Variants in PCDHGB5 observed in about 807,000 individuals in gnomAD.
PCDHGB5 encodes protocadherin gamma-B5.
Under a neutral mutation model 62.9 loss-of-function variants are expected in PCDHGB5, and 48 were observed. The ratio of observed to expected loss-of-function variants is 0.76; its 90% confidence interval spans 0.61 to 0.97. The LOEUF (loss-of-function observed/expected upper bound fraction) is 0.97. Ranked by LOEUF, PCDHGB5 falls within the 50% of genes least tolerant of loss-of-function variation. PCDHGB5 has a pLI of 0.00. For missense variants in PCDHGB5, 1,118 were observed against 1,198.6 expected (o/e 0.93, Z 0.99); for synonymous variants, 474 against 511.2 (o/e 0.93, Z 0.98).
rs2154584583 is a variant in PCDHGB5, at chr5:141,490,717, A to G, written c.2398-4090A>G. The G allele has an allele frequency of 6.2e-7, 1 of 1,613,972 alleles. No individual in the cohort carries two copies. Among genetic ancestry groups the G allele is most frequent in the Non-Finnish European group, 8.5e-7 (1 of 1,179,936 alleles). On this transcript the variant is annotated intron_variant, in intron 1 of 3. Coordinates refer to ENST00000617380, the MANE Select transcript of PCDHGB5 (RefSeq NM_018925.3). The surrounding 1 kb of genome is among the most constrained non-coding windows in gnomAD (Gnocchi z 5.4). ...GGATAATGCCCGCCTCACCTACTCC[A>G]TTGTAGGAAATCAGGTTCAGGGAGC...
Position 141,487,176 on chromosome 5 carries a change from A to G in PCDHGB5, c.2398-7631A>G. On this transcript the variant is annotated intron_variant, in intron 1 of 3. Coordinates refer to ENST00000617380, the MANE Select transcript of PCDHGB5 (RefSeq NM_018925.3). The surrounding 1 kb of genome is among the most constrained non-coding windows in gnomAD (Gnocchi z 5.0). ...ACTCTCTTAGTGTCCTTAGAGGAAGACACTCATCCAGTTGTCCCAGATCTT... is the reference window on the plus strand; with the variant it reads ...ACTCTCTTAGTGTCCTTAGAGGAAGGCACTCATCCAGTTGTCCCAGATCTT... 1 of 1,613,774 alleles carries G rather than the reference A, an allele frequency of 6.2e-7. No homozygotes were observed. The highest frequency in any genetic ancestry group is 8.5e-7 in the Non-Finnish European group (1 of 1,179,664).
intron 2 of PCDHGB5, among the ~76,000 whole-genome samples, chr5:141,495,233 A>G (rs1226612093): frequency 1.3e-5 from 2 of 152,196 alleles, no homozygotes; most frequent in African/African-American, 4.8e-5. Flanking sequence ...GCTGGGCTCC[A>G]TTATGACCTG....
intron 1 of PCDHGB5, chr5:141,414,799 G>T (rs1177065576): frequency 1.9e-6 from 3 of 1,614,096 alleles, no homozygotes; most frequent in Non-Finnish European, 2.5e-6. Flanking sequence ...CAGCGACAGC[G>T]GGGATCCTCC....
At chr5:141,475,090 A>G (rs991061660) in intron 1 of PCDHGB5, among the ~76,000 whole-genome samples, 1 of 152,264 alleles carries the variant, frequency 6.6e-6, no homozygotes, top group African/African-American at 2.4e-5. Flanking sequence ...CAATAATTTT[A>G]TAAAGATCCT....
rs764313049 is a variant in PCDHGB5, at chr5:141,418,041, T to G, written c.2397+17517T>G. 36 of 1,613,976 alleles carry G rather than the reference T, an allele frequency of 2.2e-5. No homozygotes were observed. In the Admixed American group the frequency reaches 2.3e-4, roughly 10 times the overall value. On this transcript the variant is annotated intron_variant, in intron 1 of 3. Coordinates refer to ENST00000617380, the MANE Select transcript of PCDHGB5 (RefSeq NM_018925.3). Reference sequence around the variant, plus strand: ...GATCTAGGGCTTAGTGTCCTGGATGTGTCGGCTCGCGAGCTGCGAGTGAGC... The same window carrying G: ...GATCTAGGGCTTAGTGTCCTGGATGGGTCGGCTCGCGAGCTGCGAGTGAGC...
At chr5:141,419,689 G>T in intron 1 of PCDHGB5, 1 of 1,613,000 alleles carries the variant, frequency 6.2e-7, no homozygotes, top group African/African-American at 1.3e-5. Context: ...ACGTGGTGCA[G>T]GCCAGTGAGC....
chr5:141,423,497 AG>A (rs1269176785), intron 1 of PCDHGB5: 1 of 1,613,940 alleles, frequency 6.2e-7, no homozygotes, highest in Non-Finnish European at 8.5e-7. Flanking sequence ...TATTCCCACG[AG>A]GTCTCTCTCA....
At chr5:141,434,952 C>T (rs1362599956) in intron 1 of PCDHGB5, among the ~76,000 whole-genome samples, 2 of 151,756 alleles carry the variant, frequency 1.3e-5, no homozygotes, top group East Asian at 3.9e-4. Flanking sequence ...AATTTATTAA[C>T]AATTTATAAA....
chr5:141,510,959 G>A lies in PCDHGB5; in HGVS notation c.2558G>A (p.Gly853Glu). 6.2e-7 allele frequency: 1 copy of A among 1,614,110 alleles called. No individual in the cohort carries two copies. Among genetic ancestry groups the A allele is most frequent in the Non-Finnish European group, 8.5e-7 (1 of 1,180,012 alleles). Residue 853 changes from glycine to glutamate, a missense_variant, in exon 4 of 4, where the codon GGG becomes GAG. Coordinates refer to ENST00000617380, the MANE Select transcript of PCDHGB5 (RefSeq NM_018925.3). ...TCTGTCTCTGCAGAAGCTGCTGATG[G>A]GAGCTCCACCCTGGGAGGGGGTGCC... ...ILASASEAADGSSTLGGGAGT... is the reference protein window; with the variant it reads ...ILASASEAADESSTLGGGAGT...
Position 141,431,199 on chromosome 5 carries a change from C to T in PCDHGB5, c.2397+30675C>T. 1 of 1,614,194 alleles carries T rather than the reference C, an allele frequency of 6.2e-7. No homozygotes were observed. Among genetic ancestry groups the T allele is most frequent in the East Asian group, 2.2e-5 (1 of 44,890 alleles). ...GAAATAAAAATTAGTGAAAATGCAG[C>T]CACTGAGATGCGGTTCCCTCTACCC... On this transcript the variant is annotated intron_variant, in intron 1 of 3. Transcript: ENST00000617380. This position sits in a 1 kb window ranked among gnomAD's most constrained non-coding sequence, Gnocchi z 4.8.
chr5:141,419,773 C>CAG, intron 1 of PCDHGB5: 1 of 1,614,034 alleles, frequency 6.2e-7, no homozygotes, highest in Non-Finnish European at 8.5e-7. Flanking sequence ...AGGACTCGGT[C>CAG]CGCCAGCGCC....
intron 1 of PCDHGB5, chr5:141,410,274 A>G: frequency 4.3e-6 from 7 of 1,613,948 alleles, no homozygotes; most frequent in Non-Finnish European, 5.9e-6. Context: ...CTGCAGTTTT[A>G]CCTGGTGGTG....
At chr5:141,448,748 G>A (rs1476665217) in intron 1 of PCDHGB5, among the ~76,000 whole-genome samples, 1 of 151,980 alleles carries the variant, frequency 6.6e-6, no homozygotes, top group Admixed American at 6.6e-5. Context: ...AGACCATCCT[G>A]GCTAACACGG....
At chr5:141,495,257 A>T (rs1411983517) in intron 2 of PCDHGB5, among the ~76,000 whole-genome samples, 1 of 152,200 alleles carries the variant, frequency 6.6e-6, no homozygotes, top group Non-Finnish European at 1.5e-5. Context: ...CTCAGGCAGA[A>T]AAGCATTTGA....
intron 1 of PCDHGB5, among the ~76,000 whole-genome samples, chr5:141,463,314 A>G (rs1357327211): frequency 2.0e-5 from 3 of 151,098 alleles, no homozygotes; most frequent in Non-Finnish European, 2.9e-5. Context: ...TCTAATATCT[A>G]TTCCTCAACT....
chr5:141,473,147 T>A (rs2099315103), intron 1 of PCDHGB5, among the ~76,000 whole-genome samples: 1 of 152,222 alleles, frequency 6.6e-6, no homozygotes, highest in Admixed American at 6.5e-5. Flanking sequence ...TCTCTTCAGA[T>A]CACTAGGGCT....
chr5:141,494,194 G>A (rs1446357035), intron 1 of PCDHGB5, among the ~76,000 whole-genome samples: 2 of 152,182 alleles, frequency 1.3e-5, no homozygotes, highest in Non-Finnish European at 2.9e-5. Flanking sequence ...GGACTTGGAT[G>A]CCCCGCAAAG....
intron 1 of PCDHGB5, chr5:141,420,078 C>T (rs764695314): frequency 6.2e-7 from 1 of 1,614,008 alleles, no homozygotes; most frequent in Non-Finnish European, 8.5e-7. Context: ...CCTGTGGGTC[C>T]CCCCAACTAC....
intron 1 of PCDHGB5, chr5:141,415,449 C>G: frequency 6.2e-7 from 1 of 1,614,182 alleles, no homozygotes; most frequent in Admixed American, 1.7e-5. Context: ...AGACCTATTC[C>G]CACGAGGTCT....
Sources: allele counts gnomAD v4.1 joint callset (sites outside exome capture counted in the v4.1 genomes callset), GRCh38; gene constraint gnomAD v4.1.1; non-coding constraint Gnocchi (gnomAD v3.1); transcripts MANE v1.5; gene names NCBI Gene and HGNC (gene_info 2026-07-23, HGNC 2026-07-21).